Variants in CTDSP1 observed in about 807,000 individuals in gnomAD.
CTDSP1 encodes carboxy-terminal domain RNA polymerase II polypeptide A small phosphatase 1.
In CTDSP1, 15 loss-of-function variants were observed where a neutral mutation model predicts 32.5. The ratio of observed to expected loss-of-function variants is 0.46; its 90% CI spans 0.31 to 0.71. CTDSP1 has a LOEUF of 0.71. CTDSP1 is among the 30% of genes least tolerant of loss of function. CTDSP1 has a pLI of 0.05. For synonymous variants in CTDSP1, 185 were observed against 145.4 expected (o/e 1.27, Z -1.96); for missense variants, 294 against 351.1 (o/e 0.84, Z 1.30).
chr2:218,398,581 G>A (rs1170708739), upstream of CTDSP1: 26 of 777,678 alleles, frequency 3.3e-5, no homozygotes, highest in East Asian at 5.1e-4. Context: ...TCCCCTCCCG[G>A]CCCCCGCGCG....
upstream of CTDSP1, chr2:218,398,676 GCCCGC>G (rs544866112): frequency 3.5e-5 from 12 of 339,272 alleles, no homozygotes; most frequent in African/African-American, 2.2e-5. Context: ...GACAGGACGC[GCCCGC>G]CCCGCCCCGC....
At chr2:218,403,624 G>A (rs769151989) in intron 6 of CTDSP1, 5 of 510,818 alleles carry the variant, frequency 9.8e-6, no homozygotes, top group Non-Finnish European at 1.7e-5. Flanking sequence ...ACAAAGCAGA[G>A]CATCTGCCAT....
At chr2:218,400,968 GCCGGAGGGGGGTGGGGTGGGA>G in intron 1 of CTDSP1, 2 of 437,944 alleles carry the variant, frequency 4.6e-6, no homozygotes, top group Admixed American at 5.0e-5. Context: ...GTTGCAGGGG[GCCGGAGGGGGGTGGGGTGGGA>G]GGGGTATCTG....
Position 218,404,556 on chromosome 2 carries a change from C to T in CTDSP1, c.*131C>T. 1.7e-6 allele frequency: 2 copies of T among 1,181,116 alleles called. No individual in the cohort carries two copies. Among genetic ancestry groups the T allele is most frequent in the African/African-American group, 1.5e-5 (1 of 66,026 alleles). 73.2% of individuals were successfully genotyped at this position (1,181,116 alleles called of 1,614,324 possible). ...CTCAGTGCCATGGGGAAGCGGGCGTCTCCCCCACCAGCCCCACCAGGCGGT... is the reference window on the plus strand; with the variant it reads ...CTCAGTGCCATGGGGAAGCGGGCGTTTCCCCCACCAGCCCCACCAGGCGGT... On this transcript the variant is annotated 3_prime_UTR_variant, in exon 7 of 7. Transcript: ENST00000273062.
chr2:218,403,425 C>G lies in CTDSP1; in HGVS notation c.657+8C>G, dbSNP rs745425430. On this transcript the variant is annotated splice_region_variant and intron_variant, in intron 6 of 6. Transcript: ENST00000273062. ...TTCCATCCAGACAATGCTGTGAGTG[C>G]GGGCTGGACTGGGACTGGGACAGGA... 1.9e-6 allele frequency: 3 copies of G among 1,578,714 alleles called. No homozygotes were observed. Among genetic ancestry groups the G allele is most frequent in the South Asian group, 1.1e-5 (1 of 88,058 alleles).
At chr2:218,402,302 G>T (rs758302524) in intron 3 of CTDSP1, 47 bp from the exon 4 acceptor site, 2 of 1,613,342 alleles carry the variant, frequency 1.2e-6, no homozygotes, top group Admixed American at 1.7e-5. Flanking sequence ...TGGACCCCAT[G>T]CCCTGGGGCT....
At chr2:218,399,670 G>C (rs2106352498), upstream of CTDSP1, 1 of 933,332 alleles carries the variant, frequency 1.1e-6, no homozygotes, top group African/African-American at 1.8e-5. Context: ...CAGCCGCAGA[G>C]ACTCAGCCCC....
At chr2:218,403,778 C>T (rs572933164) in intron 6 of CTDSP1, 17 of 207,996 alleles carry the variant, frequency 8.2e-5, no homozygotes, top group East Asian at 2.4e-4. Context: ...AGAAAATATC[C>T]GGTCGGGTGC....
At position 218,403,084 on chromosome 2, in the gene CTDSP1, G is replaced by A; in HGVS notation, c.428G>A (p.Gly143Asp). The A allele has an allele frequency of 6.2e-7, 1 of 1,614,180 alleles. No homozygotes were observed. Among genetic ancestry groups the A allele is most frequent in the Non-Finnish European group, 8.5e-7 (1 of 1,180,036 alleles). ...GTGGATGAGTTCCTGCAGCGAATGG[G>A]CGAGCTCTTTGAATGTGTGCTGTTC... ...PHVDEFLQRM[G>D]ELFECVLFTA... Residue 143 changes from glycine to aspartate, a missense_variant, in exon 5 of 7, where the codon GGC becomes GAC. Around this residue, in one of 2 missense-constraint regions of CTDSP1, gnomAD observed 146 missense variants for 237.7 expected, o/e 0.61. Transcript: ENST00000273062.
chr2:218,403,469 G>A (rs1444135399), intron 6 of CTDSP1, 52 bp downstream of exon 6: 2 of 1,507,282 alleles, frequency 1.3e-6, no homozygotes, highest in Non-Finnish European at 1.8e-6. Flanking sequence ...CCAGGAAGGG[G>A]TCAGTCCATT....
intron 1 of CTDSP1, chr2:218,400,789 CCTCG>C: frequency 2.2e-6 from 1 of 454,158 alleles, no homozygotes; most frequent in Non-Finnish European, 4.4e-6. Context: ...CCCCGCAAAG[CCTCG>C]CCGCCCCGAC....
At chr2:218,402,936 C>A in intron 4 of CTDSP1, 99 bp from the exon 5 acceptor site, 1 of 865,438 alleles carries the variant, frequency 1.2e-6, no homozygotes. Flanking sequence ...CAGTCTCCTT[C>A]CTGTGCGCCT....
Position 218,404,549 on chromosome 2 carries a change from C to A in CTDSP1, c.*124C>A. The A allele has an allele frequency of 7.9e-7, 1 of 1,262,032 alleles. No homozygotes were observed. Among genetic ancestry groups the A allele is most frequent in the Non-Finnish European group, 1.1e-6 (1 of 914,546 alleles). 78.2% of individuals were successfully genotyped at this position (1,262,032 alleles called of 1,614,324 possible). On this transcript the variant is annotated 3_prime_UTR_variant, in exon 7 of 7. Transcript: ENST00000273062. ...CGCCACACTCAGTGCCATGGGGAAG[C>A]GGGCGTCTCCCCCACCAGCCCCACC... is the stretch of plus-strand genomic sequence containing the variant.
At chr2:218,396,702 G>T (rs1025175057), upstream of CTDSP1, 1 of 152,652 alleles carries the variant, frequency 6.6e-6, no homozygotes, top group Non-Finnish European at 1.5e-5. Flanking sequence ...GTCCATGCCA[G>T]CTGAAGGAGG....
chr2:218,402,422 G>A lies in CTDSP1; in HGVS notation c.378+17G>A. ...GTCCACCAGGTGAGGGCCAGGAAGAGGCAGTGGTGGGCTTGGCATCTGCCT... is the reference window on the plus strand; with the variant it reads ...GTCCACCAGGTGAGGGCCAGGAAGAAGCAGTGGTGGGCTTGGCATCTGCCT... On this transcript the variant is annotated intron_variant, in intron 4 of 6. Coordinates refer to ENST00000273062, the MANE Select transcript of CTDSP1 (RefSeq NM_021198.3). 2 of 1,600,750 alleles carry A rather than the reference G, an allele frequency of 1.2e-6. No homozygotes were observed. Among genetic ancestry groups the A allele is most frequent in the South Asian group, 2.3e-5 (2 of 88,618 alleles).
intron 4 of CTDSP1, 147 bp downstream of exon 4, chr2:218,402,552 ACACAGAACCT>A: frequency 1.2e-6 from 1 of 858,236 alleles, no homozygotes; most frequent in Non-Finnish European, 2.0e-6. Flanking sequence ...TCCCAAAGTC[ACACAGAACCT>A]CAAGGGCTTG....
chr2:218,401,341 T>C (rs1483962929), intron 1 of CTDSP1: 11 of 589,092 alleles, frequency 1.9e-5, no homozygotes, highest in Non-Finnish European at 3.3e-5. Context: ...GTGGGCGCCT[T>C]AATACCTGCT....
Position 218,404,690 on chromosome 2 carries a change from C to A in CTDSP1, c.*265C>A. The A allele has an allele frequency of 2.3e-6, 1 of 436,164 alleles. No homozygotes were observed. The highest frequency in any genetic ancestry group is 4.1e-6 in the Non-Finnish European group (1 of 243,838). 27.0% of individuals were successfully genotyped at this position (436,164 alleles called of 1,614,324 possible). A position where few individuals can be genotyped will look rare whatever the true frequency, so the allele number is the denominator to read the frequency against. The stretch of plus-strand genomic sequence containing the variant: ...ACCTGGGGGGCCCTGCCTGCTGCTC[C>A]CTTTTTCTGTCTCTGTCCATGCTGC... On this transcript the variant is annotated 3_prime_UTR_variant, in exon 7 of 7. Coordinates refer to ENST00000273062, the MANE Select transcript of CTDSP1 (RefSeq NM_021198.3).
chr2:218,402,053 TGGGA>T (rs1697171831), intron 2 of CTDSP1, 54 bp from the exon 3 acceptor site: 1 of 1,198,008 alleles, frequency 8.3e-7, no homozygotes, highest in East Asian at 2.5e-5. Flanking sequence ...GAAGCCTGCG[TGGGA>T]GGAAGGACCA....
Sources: allele counts gnomAD v4.1 joint callset, GRCh38; gene constraint gnomAD v4.1.1; regional missense constraint gnomAD v4.1.1; transcripts MANE v1.5; gene names NCBI Gene and HGNC (gene_info 2026-07-23, HGNC 2026-07-21).